The following CCDC171 variants were observed in gnomAD, a reference collection of about 807,000 sequenced individuals.
The protein encoded by CCDC171 is coiled-coil domain containing 171.
Under a neutral mutation model 168.2 loss-of-function variants are expected in CCDC171, and 177 were observed. The ratio of observed to expected loss-of-function variants is 1.05; its 90% CI spans 0.93 to 1.19. The LOEUF (loss-of-function observed/expected upper bound fraction) is 1.19. Ranked by LOEUF, CCDC171 falls within the 50% of genes most tolerant of loss-of-function variation. CCDC171 has a pLI of 0.00. For missense variants in CCDC171, 1,991 were observed against 1,539.0 expected (o/e 1.29, Z -4.91); for synonymous variants, 687 against 540.8 (o/e 1.27, Z -3.75).
chr9:15,886,819 A>C (rs1819486472), intron 24 of CCDC171: 1 of 151,986 alleles, frequency 6.6e-6, no homozygotes, highest in South Asian at 2.1e-4. Flanking sequence ...AAATAAAGGA[A>C]ATCCTGCAAT....
intron 18 of CCDC171, among the ~76,000 whole-genome samples, chr9:15,772,909 T>A (rs2057088829): frequency 6.6e-6 from 1 of 152,172 alleles, no homozygotes; most frequent in Non-Finnish European, 1.5e-5. Context: ...ATGTCAGGGT[T>A]GACAAAATGT....
At chr9:15,827,941 A>G (rs931678325) in intron 21 of CCDC171, among the ~76,000 whole-genome samples, 3 of 152,208 alleles carry the variant, frequency 2.0e-5, no homozygotes, top group Admixed American at 1.3e-4. Context: ...TATTTCTTAG[A>G]ATCCATTTTT....
Position 15,630,201 on chromosome 9 carries a change from C to G in CCDC171, c.822+6788C>G, listed in dbSNP as rs868379792. On this transcript the variant is annotated intron_variant, in intron 7 of 25. Transcript: ENST00000380701. ...AATATTAACTTTAAATGTAAATGGG[C>G]TAAGTGCTCCAATTAAAAGACACAG... Among the ~76,000 whole-genome samples the G allele has an allele frequency of 2.1e-4, 32 of 152,246 alleles. No individual in the cohort carries two copies. The Middle Eastern group carries it at 0.01, about 49-fold the overall frequency.
intron 10 of CCDC171, among the ~76,000 whole-genome samples, chr9:15,691,102 T>C (rs972775540): frequency 6.6e-6 from 1 of 152,172 alleles, no homozygotes; most frequent in African/African-American, 2.4e-5. Context: ...TGAGTAGATA[T>C]ACTTAACGTA....
chr9:15,665,544 G>T (rs2048672950), intron 8 of CCDC171, among the ~76,000 whole-genome samples: 1 of 152,180 alleles, frequency 6.6e-6, no homozygotes, highest in African/African-American at 2.4e-5. Context: ...GCTTTGGGAG[G>T]CTAAGGTGGG....
At chr9:15,964,440 T>TG (rs1830610148) in intron 25 of CCDC171, among the ~76,000 whole-genome samples, 1 of 125,160 alleles carries the variant, frequency 8.0e-6, no homozygotes, top group Non-Finnish European at 1.7e-5. Flanking sequence ...TTCAATTCTC[T>TG]CGAATTGTTT....
intron 18 of CCDC171, among the ~76,000 whole-genome samples, chr9:15,761,063 G>A (rs1431428620): frequency 1.3e-5 from 2 of 152,126 alleles, no homozygotes; most frequent in East Asian, 3.8e-4. Flanking sequence ...AAATTCTCAA[G>A]ATAGAAACAA....
chr9:15,695,367 A>C (rs950379795), intron 11 of CCDC171, 30 bp downstream of exon 11: 2 of 1,525,018 alleles, frequency 1.3e-6, no homozygotes, highest in African/African-American at 2.7e-5. Context: ...TGACAGATGC[A>C]TCTGTCAATG....
At chr9:16,072,189 A>T in the CCDC171 span, among the ~76,000 whole-genome samples, 1 of 152,246 alleles carries the variant, frequency 6.6e-6, no homozygotes, top group African/African-American at 2.4e-5. Context: ...GTAAAAGTCC[A>T]CTTCCAGTCA....
At chr9:15,958,390 C>A (rs894453679) in intron 25 of CCDC171, among the ~76,000 whole-genome samples, 2 of 151,788 alleles carry the variant, frequency 1.3e-5, no homozygotes, top group African/African-American at 4.8e-5. Context: ...TAAATTTTAA[C>A]TAATGTAAAT....
chr9:15,680,470 A>G (rs2049964584), intron 10 of CCDC171, among the ~76,000 whole-genome samples: 1 of 152,232 alleles, frequency 6.6e-6, no homozygotes, highest in South Asian at 2.1e-4. Flanking sequence ...ATTGGTCACC[A>G]AATCAGTGCT....
chr9:15,865,052 A>C (rs569233155), intron 23 of CCDC171, among the ~76,000 whole-genome samples: 1 of 152,062 alleles, frequency 6.6e-6, no homozygotes, highest in Non-Finnish European at 1.5e-5. Flanking sequence ...CTAAAAGATA[A>C]AACAGGAAAT....
At chr9:15,623,498 C>CAA in intron 7 of CCDC171, 85 bp downstream of exon 7, 1 of 669,294 alleles carries the variant, frequency 1.5e-6, no homozygotes, top group South Asian at 3.3e-5. Flanking sequence ...CACACACACA[C>CAA]ACACACACAT....
chr9:15,844,996 A>G (rs2130711755), intron 21 of CCDC171, among the ~76,000 whole-genome samples: 1 of 152,214 alleles, frequency 6.6e-6, no homozygotes, highest in East Asian at 1.9e-4. Flanking sequence ...GACTGGCACA[A>G]ATGTATTGTT....
chr9:16,002,795 T>A (rs1182325193), intron 3 of CCDC171, among the ~76,000 whole-genome samples: 2 of 152,214 alleles, frequency 1.3e-5, no homozygotes. Context: ...CCATTTTTTA[T>A]CTTTTATACC....
intron 21 of CCDC171, among the ~76,000 whole-genome samples, chr9:15,840,910 A>G (rs1301302163): frequency 6.6e-6 from 1 of 152,088 alleles, no homozygotes; most frequent in Non-Finnish European, 1.5e-5. Flanking sequence ...TATATTTTGA[A>G]TACTCTTATG....
the CCDC171 span, among the ~76,000 whole-genome samples, chr9:16,101,663 G>C: frequency 1.3e-5 from 2 of 152,364 alleles, no homozygotes; most frequent in African/African-American, 4.8e-5. Context: ...TCAGGCCTTT[G>C]AAGCAGTAGA....
chr9:15,831,332 A>T (rs753605032), intron 21 of CCDC171, among the ~76,000 whole-genome samples: 1 of 152,200 alleles, frequency 6.6e-6, no homozygotes, highest in African/African-American at 2.4e-5. Flanking sequence ...TAGCAACTTC[A>T]AAGATAAAAT....
intron 25 of CCDC171, among the ~76,000 whole-genome samples, chr9:15,939,119 C>T (rs1827433745): frequency 2.0e-5 from 3 of 150,504 alleles, no homozygotes; most frequent in South Asian, 2.1e-4. Context: ...AGAAAATGGC[C>T]CAAGAAGGAG....
Sources: allele counts gnomAD v4.1 joint callset (sites outside exome capture counted in the v4.1 genomes callset), GRCh38; gene constraint gnomAD v4.1.1; transcripts MANE v1.5; gene names NCBI Gene and HGNC (gene_info 2026-07-23, HGNC 2026-07-21).